The following HK2 variants were observed in gnomAD, a reference collection of about 807,000 sequenced individuals.
HK2 encodes hexokinase 2.
A neutral mutation model predicts 92.9 loss-of-function variants in HK2; 42 were observed. That is an observed-to-expected ratio of 0.45 (90% CI 0.35 to 0.58). The LOEUF is 0.58. Ranked by LOEUF, HK2 falls within the 20% of genes least tolerant of loss-of-function variation. The pLI, the probability that HK2 is intolerant of heterozygous loss-of-function variation, is 0.00. For missense variants in HK2, 978 were observed against 1,245.1 expected (o/e 0.79, Z 3.23); for synonymous variants, 422 against 468.0 (o/e 0.90, Z 1.27).
chr2:74,882,605 T>TTTA (rs1553449959), intron 12 of HK2, among the ~76,000 whole-genome samples: 1 of 75,660 alleles, frequency 1.3e-5, no homozygotes, highest in African/African-American at 4.4e-5. Flanking sequence ...TCTATTGAAC[T>TTTA]TATATATATA....
At position 74,873,456 on chromosome 2, in the gene HK2, G is replaced by T; in HGVS notation, c.591+85G>T. 3 of 876,710 alleles carry T rather than the reference G, an allele frequency of 3.4e-6. No individual in the cohort carries two copies. The South Asian group carries it at 4.2e-5, about 12-fold the overall frequency. 54.3% of individuals were successfully genotyped at this position (876,710 alleles called of 1,614,324 possible). On this transcript the variant is annotated intron_variant, in intron 5 of 17. Transcript: ENST00000290573. ...CCCTGAGTGTCCTTGACTCATCATTGTTTGCTTACGTGGAGCTTAAGGAGA... is the reference window on the plus strand; with the variant it reads ...CCCTGAGTGTCCTTGACTCATCATTTTTTGCTTACGTGGAGCTTAAGGAGA...
At chr2:74,837,562 C>G (rs1212312466) in intron 1 of HK2, among the ~76,000 whole-genome samples, 2 of 152,116 alleles carry the variant, frequency 1.3e-5, no homozygotes, top group African/African-American at 4.8e-5. Context: ...CAGGAGCTCT[C>G]TACAGCTCTT....
intron 2 of HK2, among the ~76,000 whole-genome samples, chr2:74,860,129 A>C (rs1029021708): frequency 6.9e-6 from 1 of 145,030 alleles, no homozygotes; most frequent in Non-Finnish European, 1.5e-5. Context: ...CCACATGGAC[A>C]TAGAAAGTGG....
At chr2:74,864,253 G>A (rs915750072) in intron 2 of HK2, among the ~76,000 whole-genome samples, 4 of 152,162 alleles carry the variant, frequency 2.6e-5, no homozygotes, top group African/African-American at 9.7e-5. Context: ...AAAGTCCTTG[G>A]CAATGGTATT....
At chr2:74,869,103 A>G (rs915688842) in intron 3 of HK2, among the ~76,000 whole-genome samples, 7 of 152,042 alleles carry the variant, frequency 4.6e-5, no homozygotes, top group African/African-American at 1.7e-4. Context: ...ATATAAGAAA[A>G]ACAGTATAGT....
At chr2:74,878,413 C>CTG (rs56015017) in intron 8 of HK2, among the ~76,000 whole-genome samples, 3,319 of 149,886 alleles carry the variant, frequency 0.022, 39 homozygotes, top group African/African-American at 0.026. Flanking sequence ...CCGTGTGTCT[C>CTG]TGTGTGTGTG....
intron 13 of HK2, 28 bp downstream of exon 13, chr2:74,885,617 T>C: frequency 7.1e-7 from 1 of 1,405,772 alleles, no homozygotes; most frequent in Non-Finnish European, 1.0e-6. Context: ...CGAGGTCTGA[T>C]GTGTCAGCTC....
intron 3 of HK2, 45 bp from the exon 4 acceptor site, chr2:74,872,255 G>A (rs762287842): frequency 3.1e-6 from 5 of 1,610,102 alleles, no homozygotes; most frequent in African/African-American, 2.7e-5. Flanking sequence ...TAATCTCTAT[G>A]CTGTTCGACC....
chr2:74,889,977 A>AT (rs1294932465), intron 17 of HK2, among the ~76,000 whole-genome samples: 2 of 152,134 alleles, frequency 1.3e-5, no homozygotes, highest in African/African-American at 4.8e-5. Context: ...CGTTGAGGTG[A>AT]TATTTAGGTT....
At chr2:74,866,628 C>G (rs956732570) in intron 2 of HK2, among the ~76,000 whole-genome samples, 1 of 152,178 alleles carries the variant, frequency 6.6e-6, no homozygotes, top group Admixed American at 6.5e-5. Context: ...AGGAACTGCA[C>G]CTTCCCAGTG....
rs1396205189 is a variant in HK2, at chr2:74,854,454, A to C, written c.225A>C (p.Thr75=). ...PTFVRSTPDG[T]EHGEFLALDL... is the part of the protein sequence containing the mutation. Reference sequence around the variant, plus strand: ...TTGTGAGGTCCACTCCAGATGGGACAGGTACTGCATCTGGGGGATGGCTCT... The same window carrying C: ...TTGTGAGGTCCACTCCAGATGGGACCGGTACTGCATCTGGGGGATGGCTCT... The change falls in exon 2 of 18, where the codon ACA becomes ACC. Residue 75 remains threonine, a splice_region_variant and synonymous_variant. Coordinates refer to ENST00000290573, the MANE Select transcript of HK2 (RefSeq NM_000189.5). The C allele has an allele frequency of 2.5e-6, 4 of 1,614,168 alleles. No homozygotes were observed. In the South Asian group the frequency reaches 3.3e-5, roughly 13 times the overall value.
Position 74,890,815 on chromosome 2 carries a change from T to C in HK2, c.2628T>C (p.His876=). 1.2e-6 allele frequency: 2 copies of C among 1,614,188 alleles called. No homozygotes were observed. The highest frequency in any genetic ancestry group is 1.7e-6 in the Non-Finnish European group (2 of 1,180,024). Residue 876 remains histidine, a synonymous_variant, in exon 18 of 18, where the codon CAT becomes CAC. Coordinates refer to ENST00000290573, the MANE Select transcript of HK2 (RefSeq NM_000189.5). ...TTTCCAGCTTTGCCAAAGTCATGCA[T>C]GAGACAGTGAAGGACCTGGCTCCGA... ...KLHPHFAKVM[H]ETVKDLAPKC...
rs1428389229 is a variant in HK2, at chr2:74,886,361, A to G, written c.2003A>G (p.Glu668Gly). 1.2e-6 allele frequency: 2 copies of G among 1,614,130 alleles called. No individual in the cohort carries two copies. The highest frequency in any genetic ancestry group is 1.7e-6 in the Non-Finnish European group (2 of 1,180,028). The change falls in exon 14 of 18, where the codon GAA (glutamate) becomes GGA (glycine). Residue 668 changes from glutamate (E) to glycine (G), a missense_variant. Glu to Gly is a moderately conservative substitution (Grantham distance 98). This residue lies in a region of HK2 where 742 missense variants were observed against 922.5 expected (regional missense o/e 0.80). Transcript: ENST00000290573. ...TVGTMMTCGFEDPHCEVGLIV... is the reference protein window; with the variant it reads ...TVGTMMTCGFGDPHCEVGLIV... ...GGAACTATGATGACCTGTGGCTTTG[A>G]AGACCCTCACTGTGAAGTTGGCCTC...
Position 74,874,253 on chromosome 2 carries a change from C to T in HK2, c.692-13C>T, listed in dbSNP as rs374799767. ...GGAGCAGGCGTGTGCATAGCCGTCC[C>T]TTGTTTTGGCAGGCACGGGCAGCAA... is the stretch of plus-strand genomic sequence containing the variant. On this transcript the variant is annotated splice_polypyrimidine_tract_variant and intron_variant, in intron 6 of 17. Coordinates refer to ENST00000290573, the MANE Select transcript of HK2 (RefSeq NM_000189.5). The T allele has an allele frequency of 6.2e-7, 1 of 1,614,142 alleles. No homozygotes were observed. The highest frequency in any genetic ancestry group is 1.7e-5 in the Admixed American group (1 of 60,024).
rs780757733 is a variant in HK2, at chr2:74,881,873, C to T, written c.1719+14C>T. 6.8e-5 allele frequency: 110 copies of T among 1,613,412 alleles called. No individual in the cohort carries two copies. The highest frequency in any genetic ancestry group is 2.7e-4 in the Admixed American group (16 of 59,944). ...ACCGGGGACGAGGTGAGCAGGGCGG[C>T]GCCTTCAGGAGGGGGCCCCTGGTGG... On this transcript the variant is annotated intron_variant, in intron 11 of 17. Transcript: ENST00000290573.
rs780187573 is a variant in HK2 at position 74,885,545 on chromosome 2, G to A, written c.1891G>A (p.Glu631Lys). 4 of 1,614,012 alleles carry A rather than the reference G, an allele frequency of 2.5e-6. No individual in the cohort carries two copies. The highest frequency in any genetic ancestry group is 2.2e-5 in the East Asian group (1 of 44,874). The change falls in exon 13 of 18, where the codon GAG becomes AAG. Residue 631 changes from glutamate (E) to lysine (K), a missense_variant. By Grantham distance (56) the Glu-to-Lys change is moderately conservative. Coordinates refer to ENST00000290573, the MANE Select transcript of HK2 (RefSeq NM_000189.5). ...KGFKASGCEG[E>K]DVVTLLKEAI... is the part of the protein sequence containing the mutation. ...CTTCAAGGCATCTGGCTGCGAGGGC[G>A]AGGACGTGGTGACCCTGCTGAAGGA... is the stretch of plus-strand genomic sequence containing the variant.
In HK2 at chr2:74,893,086, G is replaced by A. The variant is rs1689722411; in HGVS notation, c.*2145G>A. On this transcript the variant is annotated 3_prime_UTR_variant, in exon 18 of 18. Transcript: ENST00000290573. ...GTGTGTGTGTGTAGGTATTAAAGAT[G>A]TGTTGTTGGTTTCCAAAAAGGAACA... The A allele has an allele frequency of 6.7e-6, 1 of 148,790 alleles. No individual in the cohort carries two copies. Among genetic ancestry groups the A allele is most frequent in the African/African-American group, 2.5e-5 (1 of 40,042 alleles). 9.2% of individuals were successfully genotyped at this position (148,790 alleles called of 1,614,324 possible).
chr2:74,847,617 AAGGCTGCAGCCTAGGAGTTTG>A (rs1688472886), intron 1 of HK2, among the ~76,000 whole-genome samples: 1 of 152,130 alleles, frequency 6.6e-6, no homozygotes, highest in African/African-American at 2.4e-5. Context: ...CCAGGAGTTT[AAGGCTGCAGCCTAGGAGTTTG>A]AGGCTGCAGT....
chr2:74,877,024 C>G, intron 7 of HK2, 142 bp from the exon 8 acceptor site: 2 of 1,107,720 alleles, frequency 1.8e-6, no homozygotes, highest in Non-Finnish European at 2.7e-6. Flanking sequence ...CGTCACCTCT[C>G]CACGTATCTT....
Sources: allele counts gnomAD v4.1 joint callset (sites outside exome capture counted in the v4.1 genomes callset), GRCh38; gene constraint gnomAD v4.1.1; regional missense constraint gnomAD v4.1.1; transcripts MANE v1.5; gene names NCBI Gene and HGNC (gene_info 2026-07-23, HGNC 2026-07-21).